The following CTNND2 variants were observed in gnomAD, a reference collection of about 807,000 sequenced individuals.
CTNND2 encodes catenin delta 2.
A neutral mutation model predicts 144.4 loss-of-function variants in CTNND2; 22 were observed. The observed-to-expected ratio is 0.15, with a 90% CI of 0.11 to 0.22. The LOEUF (loss-of-function observed/expected upper bound fraction) is 0.22, where lower values mean the gene tolerates loss of function less well. Among genes scored for constraint, CTNND2 ranks in the 10% least tolerant of loss-of-function variants. The pLI, the probability that CTNND2 is intolerant of heterozygous loss-of-function variation, is 1.00. For synonymous variants in CTNND2, 751 were observed against 695.6 expected (o/e 1.08, Z -1.25); for missense variants, 1,353 against 1,618.8 (o/e 0.84, Z 2.82).
intron 2 of CTNND2, among the ~76,000 whole-genome samples, chr5:11,611,094 T>A (rs957293973): frequency 6.6e-6 from 1 of 152,156 alleles, no homozygotes; most frequent in African/African-American, 2.4e-5. Flanking sequence ...CCCCTCATGC[T>A]ATTCTCATGA....
chr5:11,250,256 A>C (rs975854235), intron 9 of CTNND2, among the ~76,000 whole-genome samples: 1 of 152,086 alleles, frequency 6.6e-6, no homozygotes, highest in African/African-American at 2.4e-5. Flanking sequence ...TGAATACATA[A>C]GCAAGTTTTG....
chr5:11,704,971 G>A (rs1056695910), intron 2 of CTNND2, among the ~76,000 whole-genome samples: 7 of 151,730 alleles, frequency 4.6e-5, no homozygotes, highest in African/African-American at 1.7e-4. Flanking sequence ...GCAGAAGGCA[G>A]ATTTTGCTAG....
intron 3 of CTNND2, among the ~76,000 whole-genome samples, chr5:11,533,037 T>G (rs1350317120): frequency 6.6e-6 from 1 of 152,166 alleles, no homozygotes; most frequent in Non-Finnish European, 1.5e-5. Context: ...CACCAGCCAC[T>G]AGTGTTCCCA....
intron 3 of CTNND2, among the ~76,000 whole-genome samples, chr5:11,518,278 A>G (rs1772374201): frequency 7.4e-6 from 1 of 134,486 alleles, no homozygotes. Flanking sequence ...AAATAAATAA[A>G]TAAAAGTAAA....
chr5:11,556,304 T>A (rs184631588), intron 3 of CTNND2, among the ~76,000 whole-genome samples: 1,531 of 152,282 alleles, frequency 0.01, 10 homozygotes, highest in Non-Finnish European at 0.015. Context: ...CAAAAATAAA[T>A]ATTTTGGCAA....
At chr5:11,870,010 AC>A (rs1429894157) in intron 1 of CTNND2, among the ~76,000 whole-genome samples, 1 of 152,166 alleles carries the variant, frequency 6.6e-6, no homozygotes, top group Non-Finnish European at 1.5e-5. Context: ...GCATGAAACC[AC>A]CCGGCAAATA....
chr5:11,050,483 G>A (rs924554735), intron 16 of CTNND2, among the ~76,000 whole-genome samples: 1 of 152,140 alleles, frequency 6.6e-6, no homozygotes, highest in African/African-American at 2.4e-5. Context: ...TTAGTTTCAT[G>A]ACAATTAACT....
chr5:10,996,172 T>G (rs1739323710), intron 18 of CTNND2, among the ~76,000 whole-genome samples: 1 of 151,872 alleles, frequency 6.6e-6, no homozygotes, highest in Non-Finnish European at 1.5e-5. Flanking sequence ...CTAGGGCAGG[T>G]GTGGAGTGGG....
At chr5:11,894,514 G>A (rs948191521) in intron 1 of CTNND2, among the ~76,000 whole-genome samples, 1 of 152,160 alleles carries the variant, frequency 6.6e-6, no homozygotes, top group Admixed American at 6.5e-5. Flanking sequence ...AAAATTCAGA[G>A]ATTTAGTTTT....
At chr5:11,523,171 G>C (rs185026711) in intron 3 of CTNND2, among the ~76,000 whole-genome samples, 4 of 152,252 alleles carry the variant, frequency 2.6e-5, no homozygotes, top group African/African-American at 9.6e-5. Flanking sequence ...TGGAGGAAAC[G>C]ATCAGTCTTT....
At chr5:11,452,528 C>T (rs970667087) in intron 3 of CTNND2, among the ~76,000 whole-genome samples, 1 of 152,202 alleles carries the variant, frequency 6.6e-6, no homozygotes, top group African/African-American at 2.4e-5. Context: ...CTTTAAAACA[C>T]ACAGAGCTCT....
At chr5:11,643,391 CCA>C (rs1239621072) in intron 2 of CTNND2, among the ~76,000 whole-genome samples, 11 of 114,242 alleles carry the variant, frequency 9.6e-5, no homozygotes, top group African/African-American at 3.2e-4. Context: ...CCCCCTCCCC[CCA>C]CCCCACAACA....
At chr5:11,037,865 C>T (rs1447204002) in intron 16 of CTNND2, among the ~76,000 whole-genome samples, 1 of 152,054 alleles carries the variant, frequency 6.6e-6, no homozygotes, top group Non-Finnish European at 1.5e-5. Flanking sequence ...CTGCAAATAT[C>T]ATGACATATA....
chr5:11,161,401 G>T (rs1222917210), intron 11 of CTNND2, among the ~76,000 whole-genome samples: 14 of 152,122 alleles, frequency 9.2e-5, no homozygotes, highest in Non-Finnish European at 1.5e-5. Flanking sequence ...GTACACAGAA[G>T]GTGCTCAGAA....
intron 1 of CTNND2, among the ~76,000 whole-genome samples, chr5:11,840,832 A>G (rs1794431812): frequency 6.6e-6 from 1 of 152,222 alleles, no homozygotes; most frequent in African/African-American, 2.4e-5. Flanking sequence ...CTGACTGCCC[A>G]TGTATCTATA....
At chr5:11,878,238 T>C (rs1024387052) in intron 1 of CTNND2, among the ~76,000 whole-genome samples, 1 of 152,222 alleles carries the variant, frequency 6.6e-6, no homozygotes, top group African/African-American at 2.4e-5. Context: ...CAATTTTATA[T>C]ATAAATAACT....
intron 3 of CTNND2, among the ~76,000 whole-genome samples, chr5:11,440,545 A>G (rs910538503): frequency 6.6e-6 from 1 of 152,246 alleles, no homozygotes; most frequent in African/African-American, 2.4e-5. Flanking sequence ...TAGATTGACT[A>G]TAAAGAATCC....
chr5:11,756,144 C>T (rs1428204712), intron 1 of CTNND2, among the ~76,000 whole-genome samples: 15 of 151,444 alleles, frequency 9.9e-5, no homozygotes, highest in Admixed American at 6.6e-5. Context: ...ACATAAAATT[C>T]GGAAAAGAAA....
At chr5:11,204,099 T>G (rs1263345350) in intron 10 of CTNND2, among the ~76,000 whole-genome samples, 1 of 152,228 alleles carries the variant, frequency 6.6e-6, no homozygotes, top group East Asian at 1.9e-4. Context: ...GGAATCTAGA[T>G]GTCGAGAGTA....
Sources: allele counts gnomAD v4.1 joint callset (sites outside exome capture counted in the v4.1 genomes callset), GRCh38; gene constraint gnomAD v4.1.1; transcripts MANE v1.5; gene names NCBI Gene and HGNC (gene_info 2026-07-23, HGNC 2026-07-21).